The following CASK variants were observed in gnomAD, a reference collection of about 807,000 sequenced individuals.
CASK encodes the protein peripheral plasma membrane protein CASK.
CASK carries 4 observed loss-of-function variants against 82.9 expected under a neutral mutation model. The ratio of observed to expected loss-of-function variants is 0.05; its 90% CI spans 0.02 to 0.11. The LOEUF is 0.11. Among genes scored for constraint, CASK ranks in the 10% least tolerant of loss-of-function variants. The pLI, the probability that CASK is intolerant of heterozygous loss-of-function variation, is 1.00. For missense variants in CASK, 358 were observed against 720.9 expected, an observed-to-expected ratio of 0.50 and a Z score of 5.76; for synonymous variants, 259 against 253.5, an observed-to-expected ratio of 1.02 and a Z score of -0.20.
chrX:41,846,757 GT>G (rs754914576), intron 2 of CASK, among the ~76,000 whole-genome samples: 2 of 111,230 alleles, frequency 1.8e-5, no homozygotes, highest in South Asian at 7.5e-4. Flanking sequence ...AAAAAAATAA[GT>G]TTTCCTTTTA....
intron 1 of CASK, among the ~76,000 whole-genome samples, chrX:41,879,382 T>C (rs1284772411): frequency 9.0e-6 from 1 of 111,435 alleles, no homozygotes; most frequent in Non-Finnish European, 1.9e-5. Flanking sequence ...GTTTATTTTA[T>C]AAATTAGGTG....
intron 3 of CASK, among the ~76,000 whole-genome samples, chrX:41,781,332 G>A (rs2069470501): frequency 1.8e-5 from 2 of 112,141 alleles, no homozygotes; most frequent in African/African-American, 6.5e-5. Context: ...AGGAGTGTTG[G>A]TTATACATAG....
At chrX:41,890,743 T>C (rs2072150941) in intron 1 of CASK, among the ~76,000 whole-genome samples, 1 of 111,922 alleles carries the variant, frequency 8.9e-6, no homozygotes. Context: ...GCCTGCTGCA[T>C]GCTGACTGCT....
chrX:41,608,125 T>A (rs960932794), intron 12 of CASK, among the ~76,000 whole-genome samples: 5 of 112,001 alleles, frequency 4.5e-5, no homozygotes, highest in Non-Finnish European at 9.4e-5. Flanking sequence ...CAACAAACAC[T>A]CTTAGCTGAG....
chrX:41,908,797 C>T (rs932141325), intron 1 of CASK, among the ~76,000 whole-genome samples: 9 of 111,972 alleles, frequency 8.0e-5, no homozygotes, highest in African/African-American at 2.9e-4. Flanking sequence ...GAAAACAGCA[C>T]GAATGCTTTA....
chrX:41,771,610 G>T (rs1030210121), intron 3 of CASK, among the ~76,000 whole-genome samples: 1 of 111,458 alleles, frequency 9.0e-6, no homozygotes, highest in African/African-American at 3.3e-5. Flanking sequence ...GACAATAATG[G>T]TATCAATATC....
intron 5 of CASK, among the ~76,000 whole-genome samples, chrX:41,725,198 T>C (rs755602407): frequency 2.0e-4 from 22 of 112,053 alleles, no homozygotes; most frequent in Non-Finnish European, 3.8e-4. Context: ...AGAATCTTGT[T>C]ATTTAAACCC....
chrX:41,860,239 A>G (rs1162837636), intron 1 of CASK, among the ~76,000 whole-genome samples: 1 of 110,791 alleles, frequency 9.0e-6, no homozygotes, highest in Non-Finnish European at 1.9e-5. Flanking sequence ...ATATTTCTCT[A>G]CCCATTTTCT....
intron 12 of CASK, among the ~76,000 whole-genome samples, chrX:41,596,679 C>CA (rs911431971): frequency 2.7e-5 from 3 of 110,971 alleles, no homozygotes; most frequent in African/African-American, 9.8e-5. Flanking sequence ...TTAAAAAAAA[C>CA]AAAAAACAAA....
At chrX:41,561,315 TA>T (rs1365185945) in intron 17 of CASK, among the ~76,000 whole-genome samples, 2 of 110,364 alleles carry the variant, frequency 1.8e-5, no homozygotes, top group Non-Finnish European at 3.8e-5. Flanking sequence ...AAACAGGAGA[TA>T]AAGGATAAAA....
intron 10 of CASK, among the ~76,000 whole-genome samples, chrX:41,625,201 T>TC (rs2066346484): frequency 2.0e-5 from 2 of 102,336 alleles, no homozygotes; most frequent in Admixed American, 1.0e-4. Context: ...TTTTTTTTTT[T>TC]TTGAGACGGA....
At chrX:41,665,704 A>C (rs2067105536) in intron 6 of CASK, 2 of 406,400 alleles carry the variant, frequency 4.9e-6, no homozygotes, top group South Asian at 7.9e-5. Flanking sequence ...TGAATTCTGC[A>C]TGCTACGTAG....
intron 1 of CASK, among the ~76,000 whole-genome samples, 189 bp downstream of exon 1, chrX:41,922,741 G>A (rs1337444684): frequency 9.0e-6 from 1 of 111,261 alleles, no homozygotes; most frequent in African/African-American, 3.3e-5. Context: ...ATGGACCGCT[G>A]AGAACCCCCA....
chrX:41,795,890 T>TAGG (rs2069841799), intron 2 of CASK, among the ~76,000 whole-genome samples: 1 of 110,625 alleles, frequency 9.0e-6, no homozygotes, highest in Non-Finnish European at 1.9e-5. Context: ...GGGAAAGAAA[T>TAGG]ACAGTAAATA....
intron 25 of CASK, among the ~76,000 whole-genome samples, chrX:41,525,247 A>G (rs2064695192): frequency 9.0e-6 from 1 of 111,091 alleles, no homozygotes; most frequent in Admixed American, 9.6e-5. Context: ...TCTCTCCCTC[A>G]CAAGCATGCC....
intron 3 of CASK, among the ~76,000 whole-genome samples, chrX:41,770,231 A>G (rs1299655199): frequency 9.2e-5 from 10 of 108,401 alleles, no homozygotes; most frequent in African/African-American, 3.0e-4. Flanking sequence ...AATAAAAGCC[A>G]AAAATAATAC....
chrX:41,764,159 C>T (rs1569438762), intron 3 of CASK, among the ~76,000 whole-genome samples: 1 of 111,724 alleles, frequency 9.0e-6, no homozygotes, highest in Non-Finnish European at 1.9e-5. Flanking sequence ...AAGGATGGAA[C>T]TAAGAATTAC....
rs1324460211 is a variant in CASK at position 41,747,391 on chromosome X, T to C, written c.279-1790A>G. On this transcript the variant is annotated intron_variant, in intron 3 of 26. Transcript: ENST00000378163. Reference sequence around the variant, plus strand: ...ATCTTGGTGAGCAACTCTGATTATCTGTATGGTAAAATTCCTACAAGCTGA... The same window carrying C: ...ATCTTGGTGAGCAACTCTGATTATCCGTATGGTAAAATTCCTACAAGCTGA... 3.6e-5 allele frequency among the ~76,000 whole-genome samples: 4 copies of C among 111,838 alleles called. No individual in the cohort carries two copies. In the East Asian group the frequency reaches 8.4e-4, roughly 24 times the overall value.
chrX:41,859,990 T>G (rs935280054), intron 1 of CASK, among the ~76,000 whole-genome samples: 1 of 111,182 alleles, frequency 9.0e-6, no homozygotes, highest in Admixed American at 9.6e-5. Flanking sequence ...TATACACACA[T>G]ACATGTATTT....
Sources: allele counts gnomAD v4.1 joint callset (sites outside exome capture counted in the v4.1 genomes callset), GRCh38; gene constraint gnomAD v4.1.1; transcripts MANE v1.5; gene names NCBI Gene and HGNC (gene_info 2026-07-23, HGNC 2026-07-21).